The following AIM2 variants were observed in gnomAD, a reference collection of about 807,000 sequenced individuals.
AIM2 encodes the protein interferon-inducible protein AIM2.
AIM2 carries 30 observed loss-of-function variants against 27.7 expected under a neutral mutation model. The ratio of observed to expected loss-of-function variants is 1.08; its 90% confidence interval spans 0.81 to 1.47. The LOEUF (loss-of-function observed/expected upper bound fraction) is 1.47. Among genes scored for constraint, AIM2 ranks in the 40% most tolerant of loss-of-function variants. AIM2 has a pLI of 0.00. For synonymous variants in AIM2, 141 were observed against 145.3 expected, an observed-to-expected ratio of 0.97 and a Z score of 0.21; for missense variants, 358 against 411.3, an observed-to-expected ratio of 0.87 and a Z score of 1.12.
At chr1:159,058,868 C>G (rs765808320), downstream of AIM2, among the ~76,000 whole-genome samples, 2 of 152,032 alleles carry the variant, frequency 1.3e-5, no homozygotes, top group African/African-American at 2.4e-5. Context: ...TCCACAAAGC[C>G]AGAGTCCTTG....
At chr1:159,061,613 C>T (rs1369001048), downstream of AIM2, among the ~76,000 whole-genome samples, 1 of 143,020 alleles carries the variant, frequency 7.0e-6, no homozygotes, top group Admixed American at 7.1e-5. Flanking sequence ...CCATGTTGGC[C>T]AGGCTGGTCT....
chr1:159,135,149 A>C (rs917147574), intron 1 of AIM2, among the ~76,000 whole-genome samples: 2 of 152,212 alleles, frequency 1.3e-5, no homozygotes, highest in Admixed American at 1.3e-4. Context: ...AGTTCTTAGC[A>C]CACAGCAGGT....
chr1:159,056,349 C>G, the AIM2 span, among the ~76,000 whole-genome samples: 7 of 152,126 alleles, frequency 4.6e-5, no homozygotes, highest in Non-Finnish European at 7.4e-5. Context: ...GCTGGAGTTT[C>G]TCTGGGGACC....
upstream of AIM2, among the ~76,000 whole-genome samples, chr1:159,080,176 TC>T (rs1336980085): frequency 6.6e-6 from 1 of 152,224 alleles, no homozygotes; most frequent in African/African-American, 2.4e-5. Context: ...ACTTAATTTT[TC>T]AACTTTGGGT....
At chr1:159,111,786 C>T (rs573505059) in intron 1 of AIM2, among the ~76,000 whole-genome samples, 9 of 141,442 alleles carry the variant, frequency 6.4e-5, no homozygotes, top group South Asian at 4.3e-4. Flanking sequence ...TGTTGAAACC[C>T]GTCTCTACAA....
chr1:159,080,823 T>A (rs1002277748), upstream of AIM2, among the ~76,000 whole-genome samples: 1 of 152,166 alleles, frequency 6.6e-6, no homozygotes, highest in African/African-American at 2.4e-5. Context: ...AAACTTTAAA[T>A]CTTCAGACTC....
intron 1 of AIM2, among the ~76,000 whole-genome samples, chr1:159,098,576 G>C (rs897182162): frequency 3.3e-5 from 5 of 152,080 alleles, no homozygotes; most frequent in African/African-American, 1.2e-4. Flanking sequence ...CCTAGAGAAA[G>C]ATAAAAATAA....
intron 1 of AIM2, among the ~76,000 whole-genome samples, chr1:159,100,007 A>G (rs558458806): frequency 1.3e-5 from 2 of 152,210 alleles, no homozygotes; most frequent in South Asian, 4.1e-4. Flanking sequence ...CCAAGGCTCC[A>G]TAGTCTGCAA....
chr1:159,102,836 T>C (rs1657346332), intron 1 of AIM2, among the ~76,000 whole-genome samples: 2 of 152,260 alleles, frequency 1.3e-5, no homozygotes, highest in African/African-American at 2.4e-5. Flanking sequence ...TTTTTGGTTT[T>C]ACAGGCTCAC....
At chr1:159,121,364 G>T (rs1227123280) in intron 1 of AIM2, among the ~76,000 whole-genome samples, 1 of 152,090 alleles carries the variant, frequency 6.6e-6, no homozygotes, top group Non-Finnish European at 1.5e-5. Context: ...ATTGTTTTAG[G>T]TACAAACACT....
upstream of AIM2, among the ~76,000 whole-genome samples, chr1:159,142,463 A>T (rs1648132313): frequency 6.6e-6 from 1 of 152,136 alleles, no homozygotes; most frequent in African/African-American, 2.4e-5. Flanking sequence ...ATAGGGTTGG[A>T]GGGTGAGAGT....
intron 1 of AIM2, among the ~76,000 whole-genome samples, chr1:159,096,666 G>A (rs1657187469): frequency 6.6e-6 from 1 of 152,030 alleles, no homozygotes; most frequent in Non-Finnish European, 1.5e-5. Context: ...AGACAGAATT[G>A]CAAAAGGCAC....
At chr1:159,134,986 T>G (rs555721061) in intron 1 of AIM2, among the ~76,000 whole-genome samples, 29 of 152,364 alleles carry the variant, frequency 1.9e-4, no homozygotes, top group African/African-American at 6.5e-4. Flanking sequence ...AGACACTTCC[T>G]GGGGGAAGCT....
At chr1:159,065,141 G>T (rs2101965243) in intron 4 of AIM2, among the ~76,000 whole-genome samples, 1 of 152,274 alleles carries the variant, frequency 6.6e-6, no homozygotes, top group East Asian at 1.9e-4. Context: ...GGGGCAGCAG[G>T]TTCTCTCTCT....
At chr1:159,071,853 C>G (rs1298764512) in intron 2 of AIM2, among the ~76,000 whole-genome samples, 2 of 152,178 alleles carry the variant, frequency 1.3e-5, no homozygotes, top group African/African-American at 4.8e-5. Context: ...TTTGGAGACT[C>G]TCATTTGGGA....
At chr1:159,059,588 T>C (rs1205555386), downstream of AIM2, among the ~76,000 whole-genome samples, 1 of 152,200 alleles carries the variant, frequency 6.6e-6, no homozygotes, top group Non-Finnish European at 1.5e-5. Flanking sequence ...TATTCTCAGC[T>C]AGTCTAATAT....
rs531823324 is a variant in AIM2, at chr1:159,120,501, G to A, written c.-16+19930C>T. 1.7e-4 allele frequency among the ~76,000 whole-genome samples: 26 copies of A among 152,190 alleles called. 1 individual carries two copies. The highest frequency in any genetic ancestry group is 3.4e-3 in the Middle Eastern group (1 of 294). On this transcript the variant is annotated intron_variant, in intron 1 of 2. Coordinates refer to the AIM2 transcript ENST00000368129. ...TGTTGTCTTTTGCTCCTAAACTGTC[G>A]TCTCGTGCCACAGAGCTGGCTGTCA...
intron 1 of AIM2, among the ~76,000 whole-genome samples, chr1:159,112,623 A>G (rs527734502): frequency 6.6e-6 from 1 of 152,356 alleles, no homozygotes; most frequent in South Asian, 2.1e-4. Context: ...CAGGTCTATA[A>G]AAGATGTCAC....
At chr1:159,072,596 G>T (rs559910193) in intron 2 of AIM2, among the ~76,000 whole-genome samples, 2 of 152,204 alleles carry the variant, frequency 1.3e-5, no homozygotes, top group African/African-American at 4.8e-5. Context: ...AGATGGAGAT[G>T]AGTGATTTAT....
Sources: gnomAD v4.1 joint callset for allele counts (sites outside exome capture counted in the v4.1 genomes callset) on GRCh38, gnomAD v4.1.1 for gene constraint, MANE v1.5 for transcripts, NCBI Gene and HGNC (gene_info 2026-07-23, HGNC 2026-07-21) for gene names.